CAPZB: variants seen among roughly 807,000 people sequenced by gnomAD.
CAPZB encodes F-actin-capping protein subunit beta.
In CAPZB, 2 loss-of-function variants were observed where a neutral mutation model predicts 38.1. That is an observed-to-expected ratio of 0.05 (90% CI 0.02 to 0.17). The LOEUF (loss-of-function observed/expected upper bound fraction) is 0.17, where lower values mean the gene tolerates loss of function less well. Among genes scored for constraint, CAPZB ranks in the 10% least tolerant of loss-of-function variants. The pLI, the probability that CAPZB is intolerant of heterozygous loss-of-function variation, is 1.00. For missense variants in CAPZB, 161 were observed against 334.2 expected (o/e 0.48, Z 4.04); for synonymous variants, 107 against 127.4 (o/e 0.84, Z 1.08).
rs147920189 is a variant in CAPZB at position 19,465,887 on chromosome 1, C to T, written c.3+19549G>A. ...ACAGTGATAAGACCAACAACATGTA[C>T]GGAGCCCTATATGTGCTAGGTATGA... On this transcript the variant is annotated intron_variant, in intron 1 of 8. Transcript: ENST00000264202. Among the ~76,000 whole-genome samples, 526 of 152,250 alleles carry T rather than the reference C, an allele frequency of 3.5e-3. 1 individual carries two copies. Among genetic ancestry groups the T allele is most frequent in the Non-Finnish European group, 5.4e-3 (369 of 68,016 alleles).
chr1:19,420,368 G>A (rs780052092), intron 1 of CAPZB, among the ~76,000 whole-genome samples: 21 of 152,144 alleles, frequency 1.4e-4, no homozygotes, highest in Non-Finnish European at 2.4e-4. Context: ...GCAGAGGCAA[G>A]GACTGGAAAG....
chr1:19,400,556 T>C (rs2094297971), intron 2 of CAPZB, among the ~76,000 whole-genome samples: 1 of 152,238 alleles, frequency 6.6e-6, no homozygotes, highest in South Asian at 2.1e-4. Context: ...AGTTGTTGTC[T>C]GCCTTTTCTG....
intron 4 of CAPZB, among the ~76,000 whole-genome samples, chr1:19,367,786 C>T (rs900925404): frequency 2.0e-5 from 3 of 152,198 alleles, no homozygotes; most frequent in Admixed American, 6.5e-5. Context: ...TTTAGTGTCT[C>T]GCTTTTACGA....
Position 19,469,006 on chromosome 1 carries a change from C to T in CAPZB, c.3+16430G>A, listed in dbSNP as rs925996793. 6.6e-5 allele frequency among the ~76,000 whole-genome samples: 10 copies of T among 152,228 alleles called. 1 individual carries two copies. The highest frequency in any genetic ancestry group is 1.2e-4 in the Non-Finnish European group (8 of 68,040). On this transcript the variant is annotated intron_variant, in intron 1 of 8. Coordinates refer to ENST00000264202, the MANE Select transcript of CAPZB (RefSeq NM_004930.5). ...TCTGTCCGTCTGTCTGACTGGCTCC[C>T]ACCAATGGTCTCCATATAGCGACGG...
At chr1:19,343,257 G>C (rs1402827480) in intron 8 of CAPZB, among the ~76,000 whole-genome samples, 4 of 152,232 alleles carry the variant, frequency 2.6e-5, no homozygotes, top group African/African-American at 7.2e-5. Flanking sequence ...CCCCAGGTGG[G>C]CAGGGGATCA....
intron 1 of CAPZB, among the ~76,000 whole-genome samples, chr1:19,443,659 G>A (rs2094486308): frequency 6.6e-6 from 1 of 152,210 alleles, no homozygotes; most frequent in African/African-American, 2.4e-5. Context: ...CAGGTTTGAT[G>A]TGACACTCAG....
chr1:19,346,996 ATTTTTATTTTTAT>A (rs1231020533), intron 6 of CAPZB, among the ~76,000 whole-genome samples: 8 of 147,974 alleles, frequency 5.4e-5, no homozygotes, highest in Non-Finnish European at 9.0e-5. Flanking sequence ...GCTTTTTTTT[ATTTTTATTTTTAT>A]TTTTTATTTT....
At chr1:19,436,661 C>T (rs1248715379) in intron 1 of CAPZB, among the ~76,000 whole-genome samples, 1 of 142,688 alleles carries the variant, frequency 7.0e-6, no homozygotes, top group African/African-American at 2.5e-5. Context: ...TGGAGTATAT[C>T]CCCCATAGCT....
At chr1:19,385,345 G>A (rs541281319) in intron 3 of CAPZB, among the ~76,000 whole-genome samples, 160 bp downstream of exon 3, 94 of 152,296 alleles carry the variant, frequency 6.2e-4, no homozygotes, top group African/African-American at 2.2e-3. Flanking sequence ...AGAATGGGGA[G>A]GACAAGAGAA....
chr1:19,388,334 G>A (rs557884122), intron 2 of CAPZB, among the ~76,000 whole-genome samples: 128 of 152,284 alleles, frequency 8.4e-4, no homozygotes, highest in African/African-American at 2.8e-3. Flanking sequence ...GATTCTCAGT[G>A]CCTGTGGCTG....
At chr1:19,395,245 G>A (rs2094260490) in intron 2 of CAPZB, among the ~76,000 whole-genome samples, 1 of 152,176 alleles carries the variant, frequency 6.6e-6, no homozygotes, top group Admixed American at 6.5e-5. Context: ...AACTGAGGCT[G>A]GCCGAGAGGG....
intron 3 of CAPZB, among the ~76,000 whole-genome samples, chr1:19,380,787 C>T (rs1172469511): frequency 6.6e-6 from 1 of 152,074 alleles, no homozygotes; most frequent in African/African-American, 2.4e-5. Flanking sequence ...CGGCAAGAGC[C>T]TTTTCTGTCA....
At chr1:19,399,578 C>A (rs1384036831) in intron 2 of CAPZB, among the ~76,000 whole-genome samples, 1 of 152,164 alleles carries the variant, frequency 6.6e-6, no homozygotes, top group East Asian at 1.9e-4. Context: ...CTACATGGGG[C>A]ATGGGCCACA....
chr1:19,400,589 T>G (rs535596194), intron 2 of CAPZB, among the ~76,000 whole-genome samples: 3 of 152,240 alleles, frequency 2.0e-5, no homozygotes, highest in Non-Finnish European at 4.4e-5. Context: ...GTGGGATCTC[T>G]CTCCAATTCA....
chr1:19,380,337 G>A (rs2094167405), intron 3 of CAPZB, among the ~76,000 whole-genome samples: 3 of 152,286 alleles, frequency 2.0e-5, no homozygotes, highest in South Asian at 4.1e-4. Context: ...GCTGCTCACC[G>A]CAGTTTTGGT....
chr1:19,468,686 C>A (rs1489106945), intron 1 of CAPZB, among the ~76,000 whole-genome samples: 1 of 152,176 alleles, frequency 6.6e-6, no homozygotes, highest in African/African-American at 2.4e-5. Context: ...TCCCACCCAG[C>A]TGCTTTGAAA....
At chr1:19,478,808 G>A (rs968657934) in intron 1 of CAPZB, among the ~76,000 whole-genome samples, 8 of 152,200 alleles carry the variant, frequency 5.3e-5, no homozygotes, top group Admixed American at 2.0e-4. Flanking sequence ...GGAGCATAGC[G>A]CAGTGCCAGG....
At chr1:19,459,859 A>C (rs1216153134) in intron 1 of CAPZB, among the ~76,000 whole-genome samples, 1 of 152,108 alleles carries the variant, frequency 6.6e-6, no homozygotes, top group Non-Finnish European at 1.5e-5. Context: ...TTATCCAGTG[A>C]ATCCACTGTC....
At chr1:19,461,431 C>T (rs2094551610) in intron 1 of CAPZB, among the ~76,000 whole-genome samples, 1 of 152,230 alleles carries the variant, frequency 6.6e-6, no homozygotes, top group Non-Finnish European at 1.5e-5. Flanking sequence ...CGGAGCTTCA[C>T]CCAGCCTGAG....
Sources: gnomAD v4.1 joint callset for allele counts (sites outside exome capture counted in the v4.1 genomes callset) on GRCh38, gnomAD v4.1.1 for gene constraint, MANE v1.5 for transcripts, NCBI Gene and HGNC (gene_info 2026-07-23, HGNC 2026-07-21) for gene names.